OR51B5: variants seen among roughly 807,000 people sequenced by gnomAD.
OR51B5 encodes the protein olfactory receptor family 51 subfamily B member 5, also known as olfactory receptor 51B5.
For synonymous variants in OR51B5, 186 were observed against 144.8 expected (o/e 1.28, Z -2.04); for missense variants, 456 against 374.6 (o/e 1.22, Z -1.79).
intron 1 of OR51B5, among the ~76,000 whole-genome samples, chr11:5,358,305 G>C (rs1479545145): frequency 2.0e-5 from 3 of 151,998 alleles, no homozygotes; most frequent in African/African-American, 7.3e-5. Context: ...AAATGATAAA[G>C]GGTATATCAC....
chr11:5,353,218 G>A (rs1246173757), intron 1 of OR51B5, among the ~76,000 whole-genome samples: 1 of 152,074 alleles, frequency 6.6e-6, no homozygotes, highest in South Asian at 2.1e-4. Flanking sequence ...GTATCTCTAT[G>A]AGAAATGTGT....
intron 1 of OR51B5, among the ~76,000 whole-genome samples, chr11:5,436,193 G>A (rs144642101): frequency 2.0e-5 from 3 of 152,312 alleles, no homozygotes; most frequent in Admixed American, 2.0e-4. Context: ...GGAGACTGCA[G>A]TAGAGACGGG....
At chr11:5,424,191 G>A (rs75296566) in intron 1 of OR51B5, among the ~76,000 whole-genome samples, 6,819 of 152,182 alleles carry the variant, frequency 0.045, 484 homozygotes, top group African/African-American at 0.15. Context: ...ATAGGCAGTG[G>A]GAGCACAGTG....
intron 1 of OR51B5, among the ~76,000 whole-genome samples, chr11:5,472,999 C>T: frequency 6.6e-6 from 1 of 152,240 alleles, no homozygotes; most frequent in East Asian, 1.9e-4. Flanking sequence ...CTGATAACAA[C>T]TTGCCACCCT....
chr11:5,430,852 A>C, intron 1 of OR51B5: 1 of 457,380 alleles, frequency 2.2e-6, no homozygotes. Context: ...ATAATATATA[A>C]GCACTGCACA....
At chr11:5,411,844 G>A (rs1850153120) in intron 1 of OR51B5, among the ~76,000 whole-genome samples, 1 of 152,188 alleles carries the variant, frequency 6.6e-6, no homozygotes, top group Non-Finnish European at 1.5e-5. Flanking sequence ...TGCTGGCTTT[G>A]TAGAGAGAGA....
intron 1 of OR51B5, among the ~76,000 whole-genome samples, chr11:5,353,167 TA>T (rs1849130522): frequency 6.6e-6 from 1 of 152,060 alleles, no homozygotes; most frequent in African/African-American, 2.4e-5. Flanking sequence ...TCAATGAGGG[TA>T]AACCATTTCC....
At chr11:5,428,090 C>A (rs1850475808) in intron 1 of OR51B5, among the ~76,000 whole-genome samples, 1 of 149,878 alleles carries the variant, frequency 6.7e-6, no homozygotes, top group Non-Finnish European at 1.5e-5. Flanking sequence ...AGATGTGATA[C>A]AACAATTTAC....
At chr11:5,491,677 CAATT>C (rs573615731) in intron 1 of OR51B5, among the ~76,000 whole-genome samples, 104 of 152,312 alleles carry the variant, frequency 6.8e-4, no homozygotes, top group African/African-American at 2.2e-3. Flanking sequence ...CAATCTCAAT[CAATT>C]GTTACTGAAG....
intron 1 of OR51B5, chr11:5,403,165 C>CTAT (rs1262140600): frequency 2.1e-6 from 1 of 471,308 alleles, no homozygotes; most frequent in Non-Finnish European, 4.4e-6. Flanking sequence ...TCTTATCTAT[C>CTAT]TTGTGGGAAC....
intron 1 of OR51B5, among the ~76,000 whole-genome samples, chr11:5,412,730 G>A (rs1390332743): frequency 1.3e-5 from 2 of 152,068 alleles, no homozygotes; most frequent in Admixed American, 6.5e-5. Context: ...GCGGCAGCCA[G>A]GCTGGGGGAG....
upstream of OR51B5, among the ~76,000 whole-genome samples, chr11:5,347,958 A>G (rs770419349): frequency 3.4e-4 from 52 of 152,186 alleles, no homozygotes; most frequent in Non-Finnish European, 4.4e-4. Context: ...ATACATGACT[A>G]TGGAACTGAA....
intron 1 of OR51B5, among the ~76,000 whole-genome samples, chr11:5,467,782 C>T (rs1325161453): frequency 1.3e-5 from 2 of 152,256 alleles, no homozygotes; most frequent in East Asian, 1.9e-4. Flanking sequence ...CAAGCAACCA[C>T]TGCCACTGAA....
chr11:5,453,607 G>A, intron 1 of OR51B5: 1 of 1,613,672 alleles, frequency 6.2e-7, no homozygotes, highest in South Asian at 1.1e-5. Flanking sequence ...GTGGCCCTTG[G>A]GGGAAATACA....
chr11:5,455,260 C>A (rs546141302), intron 1 of OR51B5: 2 of 151,558 alleles, frequency 1.3e-5, no homozygotes, highest in South Asian at 4.2e-4. Context: ...GGCACAATTT[C>A]TATTTCTCTT....
chr11:5,383,759 A>G (rs932940718), intron 1 of OR51B5: 3 of 152,068 alleles, frequency 2.0e-5, no homozygotes, highest in African/African-American at 4.8e-5. Flanking sequence ...TTTACCATTA[A>G]GTTCTCCCAG....
intron 1 of OR51B5, among the ~76,000 whole-genome samples, chr11:5,459,327 C>T (rs542898849): frequency 3.7e-4 from 57 of 152,102 alleles, no homozygotes; most frequent in Non-Finnish European, 5.4e-4. Flanking sequence ...AGGGGATTAG[C>T]TCTTTGATGT....
downstream of OR51B5, chr11:5,340,792 TTTTTATA>T (rs991568497): frequency 8.5e-5 from 13 of 152,176 alleles, no homozygotes; most frequent in African/African-American, 3.1e-4. Flanking sequence ...ATATTTAACT[TTTTTATA>T]TTAAATTTCC....
chr11:5,368,961 C>T (rs1849413052), intron 1 of OR51B5, among the ~76,000 whole-genome samples: 1 of 152,094 alleles, frequency 6.6e-6, no homozygotes, highest in Non-Finnish European at 1.5e-5. Flanking sequence ...TCTGATTACA[C>T]CCAAGAAGCC....
Sources: allele counts gnomAD v4.1 joint callset (sites outside exome capture counted in the v4.1 genomes callset), GRCh38; gene constraint gnomAD v4.1.1; transcripts MANE v1.5; gene names NCBI Gene and HGNC (gene_info 2026-07-23, HGNC 2026-07-21).